Variants in MAGI2 observed in about 807,000 individuals in gnomAD.
MAGI2 encodes the protein membrane associated guanylate kinase, WW and PDZ domain containing 2.
In MAGI2, 35 loss-of-function variants were observed where a neutral mutation model predicts 133.3. The observed-to-expected ratio is 0.26, with a 90% CI of 0.20 to 0.35. The LOEUF (loss-of-function observed/expected upper bound fraction) is 0.35. Among genes scored for constraint, MAGI2 ranks in the 10% least tolerant of loss-of-function variants. The pLI, the probability that MAGI2 is intolerant of heterozygous loss-of-function variation, is 1.00. For synonymous variants in MAGI2, 729 were observed against 710.6 expected (o/e 1.03, Z -0.41); for missense variants, 1,636 against 1,863.4 (o/e 0.88, Z 2.25).
intron 1 of MAGI2, among the ~76,000 whole-genome samples, chr7:79,365,867 CAAA>C (rs71095399): frequency 4.1e-3 from 199 of 48,866 alleles, no homozygotes; most frequent in African/African-American, 0.014. Context: ...ACTCTTGTCT[CAAA>C]AAAAAAAAAA....
intron 2 of MAGI2, among the ~76,000 whole-genome samples, chr7:78,862,435 A>G (rs561112347): frequency 6.6e-6 from 1 of 152,330 alleles, no homozygotes; most frequent in African/African-American, 2.4e-5. Flanking sequence ...TTGGTTATAC[A>G]TTCCCTGTTA....
chr7:79,383,584 T>A (rs1843957816), intron 1 of MAGI2, among the ~76,000 whole-genome samples: 1 of 151,586 alleles, frequency 6.6e-6, no homozygotes, highest in Non-Finnish European at 1.5e-5. Flanking sequence ...ATATTTAAAA[T>A]GTAATGTTCA....
intron 1 of MAGI2, among the ~76,000 whole-genome samples, chr7:79,110,056 C>T (rs538948596): frequency 2.0e-5 from 3 of 152,028 alleles, no homozygotes; most frequent in South Asian, 2.1e-4. Context: ...TCAGAGGGTG[C>T]GAGCCATAAA....
intron 2 of MAGI2, among the ~76,000 whole-genome samples, chr7:78,842,401 A>C (rs1792221957): frequency 2.0e-5 from 3 of 151,976 alleles, no homozygotes; most frequent in Admixed American, 1.3e-4. Context: ...TTGTTCAGGA[A>C]AGAGTCTCAC....
At chr7:79,167,394 T>C (rs968980056) in intron 1 of MAGI2, among the ~76,000 whole-genome samples, 2 of 17,868 alleles carry the variant, frequency 1.1e-4, no homozygotes, top group Non-Finnish European at 1.4e-4. Context: ...CCCCCAAAAA[T>C]GGCAAAAAAA....
chr7:79,421,919 T>C (rs1259893631), intron 1 of MAGI2, among the ~76,000 whole-genome samples: 1 of 152,048 alleles, frequency 6.6e-6, no homozygotes, highest in African/African-American at 2.4e-5. Flanking sequence ...ATTCTTGTAT[T>C]TCTTTTTATC....
At chr7:78,239,117 T>A (rs1052063361) in intron 10 of MAGI2, among the ~76,000 whole-genome samples, 1 of 152,144 alleles carries the variant, frequency 6.6e-6, no homozygotes, top group East Asian at 1.9e-4. Flanking sequence ...GGCCACTCTT[T>A]CTAAAGGAGA....
chr7:79,451,191 T>C (rs1173227233), intron 1 of MAGI2, among the ~76,000 whole-genome samples: 3 of 152,358 alleles, frequency 2.0e-5, no homozygotes, highest in African/African-American at 7.2e-5. Context: ...TAAGATGTGA[T>C]GATCATTGCA....
chr7:78,121,329 G>A (rs1206946082), intron 20 of MAGI2, among the ~76,000 whole-genome samples: 1 of 151,178 alleles, frequency 6.6e-6, no homozygotes, highest in Admixed American at 6.6e-5. Flanking sequence ...GCCATAAGCT[G>A]GCATAAGATA....
intron 3 of MAGI2, among the ~76,000 whole-genome samples, chr7:78,522,723 T>C (rs1001978820): frequency 1.3e-5 from 2 of 152,232 alleles, no homozygotes; most frequent in African/African-American, 4.8e-5. Context: ...TTATTTAAAA[T>C]ATCCTAAAAT....
At chr7:79,061,317 T>A (rs951206988) in intron 1 of MAGI2, among the ~76,000 whole-genome samples, 1 of 152,040 alleles carries the variant, frequency 6.6e-6, no homozygotes. Flanking sequence ...AGCCTTTTTT[T>A]TTCTCGGGCC....
At chr7:78,818,499 ATAAAG>A (rs1238990630) in intron 2 of MAGI2, among the ~76,000 whole-genome samples, 6 of 152,204 alleles carry the variant, frequency 3.9e-5, no homozygotes, top group African/African-American at 1.4e-4. Context: ...GATGAGTTTA[ATAAAG>A]TAATTATAAA....
rs184847779 is a variant in MAGI2, at chr7:79,068,342, T to A, written c.302-61136A>T. ...CCTGGTTTAGACTTGGGAGGCTGTA[T>A]GTGTCCAGGAATTTATCCATTTCTT... On this transcript the variant is annotated intron_variant, in intron 1 of 21. Coordinates refer to ENST00000354212, the MANE Select transcript of MAGI2 (RefSeq NM_012301.4). Among the ~76,000 whole-genome samples the A allele has an allele frequency of 3.5e-4, 53 of 152,326 alleles. 2 individuals carry two copies. Among genetic ancestry groups the A allele is most frequent in the African/African-American group, 1.3e-3 (52 of 41,588 alleles).
At chr7:78,848,422 T>G (rs1427743115) in intron 2 of MAGI2, among the ~76,000 whole-genome samples, 1 of 152,050 alleles carries the variant, frequency 6.6e-6, no homozygotes, top group Non-Finnish European at 1.5e-5. Flanking sequence ...TATTTTGCTC[T>G]CTTTCTATCC....
At chr7:78,369,019 G>A in intron 7 of MAGI2, 137 bp downstream of exon 7, 1 of 553,422 alleles carries the variant, frequency 1.8e-6, no homozygotes, top group Non-Finnish European at 3.2e-6. Flanking sequence ...AGCTAGTGCT[G>A]CTAGTCTTGG....
intron 3 of MAGI2, among the ~76,000 whole-genome samples, chr7:78,586,081 C>T (rs183594192): frequency 1.3e-3 from 204 of 152,330 alleles, no homozygotes; most frequent in African/African-American, 4.7e-3. Flanking sequence ...ATTGTATAAT[C>T]ATGGTTGTCT....
chr7:78,573,055 A>ATGCATATGTATG (rs1563187510), intron 3 of MAGI2, among the ~76,000 whole-genome samples: 4 of 102,210 alleles, frequency 3.9e-5, no homozygotes, highest in African/African-American at 1.2e-4. Context: ...ATATATATAT[A>ATGCATATGTATG]TATATATATA....
intron 1 of MAGI2, among the ~76,000 whole-genome samples, chr7:79,145,946 G>T (rs1822577024): frequency 6.6e-6 from 1 of 152,176 alleles, no homozygotes; most frequent in Non-Finnish European, 1.5e-5. Context: ...TTGATTTGGG[G>T]CATGGAAGAA....
At chr7:78,219,431 C>T (rs1018486457) in intron 10 of MAGI2, among the ~76,000 whole-genome samples, 9 of 152,308 alleles carry the variant, frequency 5.9e-5, no homozygotes, top group Non-Finnish European at 7.4e-5. Flanking sequence ...GAATCTGCTA[C>T]ACCTGCTTCC....
Sources: allele counts gnomAD v4.1 joint callset (sites outside exome capture counted in the v4.1 genomes callset), GRCh38; gene constraint gnomAD v4.1.1; transcripts MANE v1.5; gene names NCBI Gene and HGNC (gene_info 2026-07-23, HGNC 2026-07-21).